Variants in IL17F observed in about 807,000 individuals in gnomAD.
IL17F encodes interleukin 17F.
In IL17F, 6 loss-of-function variants were observed where a neutral mutation model predicts 8.3. That is an observed-to-expected ratio of 0.73 (90% CI 0.40 to 1.43). The LOEUF (loss-of-function observed/expected upper bound fraction) is 1.43. Ranked by LOEUF, IL17F falls within the 40% of genes most tolerant of loss-of-function variation. The pLI is 0.02. For synonymous variants in IL17F, 98 were observed against 81.6 expected (o/e 1.20, Z -1.08); for missense variants, 204 against 209.6 (o/e 0.97, Z 0.17).
At chr6:52,240,829 AGT>A (rs1397969479) in intron 1 of IL17F, among the ~76,000 whole-genome samples, 3 of 151,894 alleles carry the variant, frequency 2.0e-5, no homozygotes, top group African/African-American at 4.8e-5. Flanking sequence ...CAGAGTCAGA[AGT>A]CCAGGGTCTG....
Position 52,236,954 on chromosome 6 carries a change from G to T in IL17F, c.469C>A (p.Pro157Thr), listed in dbSNP as rs144576902. 2.5e-6 allele frequency: 4 copies of T among 1,613,876 alleles called. No individual in the cohort carries two copies. The highest frequency in any genetic ancestry group is 1.7e-5 in the Admixed American group (1 of 60,028). ...LVTVGCTCVT[P>T]VIHHVQ ...TCTTACTGCACATGGTGGATGACAG[G>T]GGTGACGCAGGTGCAGCCAACAGTC... The change falls in exon 3 of 3, where the codon CCT becomes ACT. Residue 157 changes from proline to threonine, a missense_variant. By Grantham distance (38) the Pro-to-Thr change is conservative. Coordinates refer to ENST00000336123, the MANE Select transcript of IL17F (RefSeq NM_052872.4).
intron 1 of IL17F, among the ~76,000 whole-genome samples, chr6:52,241,353 C>T (rs1764071325): frequency 1.3e-5 from 2 of 152,192 alleles, no homozygotes; most frequent in African/African-American, 4.8e-5. Flanking sequence ...GCTGGGATTA[C>T]AGGCCTGAGC....
chr6:52,240,203 G>C (rs924798677), intron 1 of IL17F, among the ~76,000 whole-genome samples: 1 of 152,148 alleles, frequency 6.6e-6, no homozygotes, highest in Non-Finnish European at 1.5e-5. Context: ...TTGGGAAGCC[G>C]AGGTGGGTGG....
Position 52,236,884 on chromosome 6 carries a change from A to G in IL17F, c.*47T>C. On this transcript the variant is annotated 3_prime_UTR_variant, in exon 3 of 3. Transcript: ENST00000336123. ...AGGACTTGTTGCAGAGCACTGGGTAAGGAGTGGCATTTCTACAGCTTCTTC... is the reference window on the plus strand; with the variant it reads ...AGGACTTGTTGCAGAGCACTGGGTAGGGAGTGGCATTTCTACAGCTTCTTC... 6.9e-7 allele frequency: 1 copy of G among 1,452,016 alleles called. No individual in the cohort carries two copies. The highest frequency in any genetic ancestry group is 1.1e-5 in the South Asian group (1 of 87,722). The allele number at this position is 1,452,016 out of a possible 1,614,324, so 89.9% of individuals were successfully genotyped here. A position where few individuals can be genotyped will look rare whatever the true frequency, so the allele number is the denominator to read the frequency against.
upstream of IL17F, chr6:52,244,575 T>C (rs972811659): frequency 1.8e-5 from 14 of 799,764 alleles, no homozygotes; most frequent in African/African-American, 1.5e-4. Flanking sequence ...TGTCTTTAAG[T>C]TGTGGTTGAC....
intron 1 of IL17F, among the ~76,000 whole-genome samples, chr6:52,240,952 TATG>T (rs1184623874): frequency 6.6e-6 from 1 of 152,062 alleles, no homozygotes; most frequent in Non-Finnish European, 1.5e-5. Context: ...ACTGGCAGCA[TATG>T]ATAAGTATCC....
chr6:52,239,132 G>A, intron 1 of IL17F, 182 bp from the exon 2 acceptor site: 2 of 629,402 alleles, frequency 3.2e-6, no homozygotes, highest in East Asian at 5.6e-5. Context: ...GCCAAACTGA[G>A]AACTAAACTC....
upstream of IL17F, among the ~76,000 whole-genome samples, chr6:52,245,575 G>C (rs1047717153): frequency 6.6e-6 from 1 of 152,168 alleles, no homozygotes; most frequent in African/African-American, 2.4e-5. Flanking sequence ...CTTTCCCATG[G>C]AGCTGGGGTG....
intron 1 of IL17F, among the ~76,000 whole-genome samples, chr6:52,241,245 T>A (rs1480584286): frequency 6.6e-6 from 1 of 151,996 alleles, no homozygotes; most frequent in Non-Finnish European, 1.5e-5. Flanking sequence ...CACCTGATAA[T>A]TTTTTGTATT....
chr6:52,240,982 G>C (rs1228688954), intron 1 of IL17F, among the ~76,000 whole-genome samples: 1 of 152,058 alleles, frequency 6.6e-6, no homozygotes, highest in Non-Finnish European at 1.5e-5. Context: ...GGCGACTCTT[G>C]CTAACTCTAT....
intron 2 of IL17F, among the ~76,000 whole-genome samples, chr6:52,237,635 CCTT>C (rs1167614370): frequency 6.6e-6 from 1 of 151,924 alleles, no homozygotes; most frequent in Non-Finnish European, 1.5e-5. Flanking sequence ...GAATCTCAGA[CCTT>C]CTCTCCATTT....
chr6:52,236,862 A>T lies in IL17F; in HGVS notation c.*69T>A, dbSNP rs1246642822. 3 of 1,236,640 alleles carry T rather than the reference A, an allele frequency of 2.4e-6. No individual in the cohort carries two copies. The Admixed American group carries it at 5.0e-5, about 21-fold the overall frequency. 76.6% of individuals were successfully genotyped at this position (1,236,640 alleles called of 1,614,324 possible). A position where few individuals can be genotyped will look rare whatever the true frequency, so the allele number is the denominator to read the frequency against. ...TGGAGGGAATTGGGGGTCAGACAGG[A>T]CTTGTTGCAGAGCACTGGGTAAGGA... On this transcript the variant is annotated 3_prime_UTR_variant, in exon 3 of 3. Transcript: ENST00000336123.
chr6:52,238,092 G>C (rs1764001378), intron 2 of IL17F, among the ~76,000 whole-genome samples: 1 of 152,208 alleles, frequency 6.6e-6, no homozygotes, highest in Admixed American at 6.5e-5. Flanking sequence ...CCCAGTTCGA[G>C]GCAGGGGGCA....
rs1192621838 is a variant in IL17F at position 52,238,748 on chromosome 6, G to A, written c.236C>T (p.Thr79Ile). ...SMSRNIESRSTSPWNYTVTWD... is the reference protein window; with the variant it reads ...SMSRNIESRSISPWNYTVTWD... ...CACTTACGTGTAATTCCAGGGGGAG[G>A]TGGAGCGGCTCTCGATGTTACGTGA... is the stretch of plus-strand genomic sequence containing the variant. Residue 79 changes from threonine to isoleucine, a missense_variant, in exon 2 of 3, where the codon ACC becomes ATC. Coordinates refer to ENST00000336123, the MANE Select transcript of IL17F (RefSeq NM_052872.4). 2.5e-6 allele frequency: 4 copies of A among 1,614,080 alleles called. No individual in the cohort carries two copies. Among genetic ancestry groups the A allele is most frequent in the Non-Finnish European group, 8.5e-7 (1 of 1,179,942 alleles).
At chr6:52,242,823 T>G (rs1764096488) in intron 1 of IL17F, among the ~76,000 whole-genome samples, 1 of 152,200 alleles carries the variant, frequency 6.6e-6, no homozygotes, top group Admixed American at 6.5e-5. Context: ...ACTGAATGCT[T>G]TCTCTATCAT....
chr6:52,239,043 T>C, intron 1 of IL17F, 93 bp from the exon 2 acceptor site: 2 of 1,111,596 alleles, frequency 1.8e-6, no homozygotes, highest in Middle Eastern at 2.9e-4. Context: ...TTCCTGTCCT[T>C]TTATGGGATC....
intron 1 of IL17F, among the ~76,000 whole-genome samples, chr6:52,240,340 G>A (rs899057480): frequency 6.6e-6 from 1 of 151,732 alleles, no homozygotes; most frequent in Non-Finnish European, 1.5e-5. Context: ...GGGAGGCTGA[G>A]GCAGGAGAAT....
intron 1 of IL17F, among the ~76,000 whole-genome samples, chr6:52,241,702 A>C (rs1215481328): frequency 6.6e-6 from 1 of 152,216 alleles, no homozygotes; most frequent in Non-Finnish European, 1.5e-5. Flanking sequence ...CTGGTGAGGT[A>C]ATCAGAGCTA....
chr6:52,244,252 C>G, intron 1 of IL17F, 145 bp downstream of exon 1: 3 of 835,824 alleles, frequency 3.6e-6, no homozygotes, highest in Non-Finnish European at 6.2e-6. Context: ...TTTTTCTCCA[C>G]CAGACAGGAG....
Sources: allele counts gnomAD v4.1 joint callset (sites outside exome capture counted in the v4.1 genomes callset), GRCh38; gene constraint gnomAD v4.1.1; transcripts MANE v1.5; gene names NCBI Gene and HGNC (gene_info 2026-07-23, HGNC 2026-07-21).